Variants in CPB2 observed in about 807,000 individuals in gnomAD.
The protein encoded by CPB2 is carboxypeptidase B2, also known as carboxypeptidase B-like protein.
In CPB2, 54 loss-of-function variants were observed where a neutral mutation model predicts 57.0. The observed-to-expected ratio is 0.95, with a 90% CI of 0.76 to 1.19. The LOEUF (loss-of-function observed/expected upper bound fraction) is 1.19, where lower values mean the gene tolerates loss of function less well. Ranked by LOEUF, CPB2 falls within the 50% of genes most tolerant of loss-of-function variation. The probability of loss-of-function intolerance (pLI) is 0.00; values close to 1 mark genes in which losing one functional copy is unlikely to be tolerated. For synonymous variants in CPB2, 189 were observed against 178.1 expected, an observed-to-expected ratio of 1.06 and a Z score of -0.49; for missense variants, 426 against 512.0, an observed-to-expected ratio of 0.83 and a Z score of 1.62.
At chr13:46,078,968 G>A in intron 4 of CPB2, 67 bp from the exon 5 acceptor site, 1 of 971,996 alleles carries the variant, frequency 1.0e-6, no homozygotes, top group Non-Finnish European at 1.6e-6. Context: ...ACCAAAGCAA[G>A]CAGACAACTT....
intron 7 of CPB2, among the ~76,000 whole-genome samples, chr13:46,064,965 C>T (rs974943972): frequency 6.6e-6 from 1 of 152,190 alleles, no homozygotes; most frequent in African/African-American, 2.4e-5. Context: ...TTGAACCAAA[C>T]ATAATGGTAA....
In CPB2 at chr13:46,073,904, G is replaced by A. The variant is rs2044981914; in HGVS notation, c.560C>T (p.Ser187Phe). 1 of 1,587,438 alleles carries A rather than the reference G, an allele frequency of 6.3e-7. No homozygotes were observed. Among genetic ancestry groups the A allele is most frequent in the Non-Finnish European group, 8.6e-7 (1 of 1,159,426 alleles). The change falls in exon 6 of 11, where the codon TCT becomes TTT. Residue 187 changes from serine to phenylalanine, a missense_variant. Ser to Phe is a radical substitution (Grantham distance 155). Transcript: ENST00000181383. ...TATGAACCACAAGCAGAAAGCAGGA[G>A]AGATCCATTCTCTGGCATGGATTCC... ...DCGIHAREWI[S>F]PAFCLWFIGH...
chr13:46,072,639 G>C (rs2044960326), intron 6 of CPB2, among the ~76,000 whole-genome samples: 1 of 152,102 alleles, frequency 6.6e-6, no homozygotes, highest in Admixed American at 6.6e-5. Flanking sequence ...TTTGGGTAGA[G>C]GGTAGGATGT....
chr13:46,062,015 T>G (rs1219557305), intron 8 of CPB2, among the ~76,000 whole-genome samples: 4 of 132,144 alleles, frequency 3.0e-5, no homozygotes, highest in Non-Finnish European at 4.7e-5. Context: ...TTACAATTAC[T>G]TTTTATTTGG....
chr13:46,093,980 A>G (rs1001329192), intron 1 of CPB2, among the ~76,000 whole-genome samples: 7 of 152,138 alleles, frequency 4.6e-5, no homozygotes, highest in Non-Finnish European at 7.4e-5. Flanking sequence ...TGTATTATTT[A>G]CTTTTTAAAC....
intron 6 of CPB2, among the ~76,000 whole-genome samples, chr13:46,070,565 A>T (rs1237127531): frequency 3.9e-5 from 6 of 152,154 alleles, no homozygotes; most frequent in Admixed American, 1.3e-4. Flanking sequence ...CAACAACAAC[A>T]ACAATTCCTG....
intron 4 of CPB2, 83 bp from the exon 5 acceptor site, chr13:46,078,984 G>A: frequency 1.2e-6 from 1 of 855,760 alleles, no homozygotes; most frequent in Non-Finnish European, 1.9e-6. Flanking sequence ...AACTTCTTCA[G>A]AGAAAGGAAA....
chr13:46,093,646 G>T (rs2045325848), intron 1 of CPB2, among the ~76,000 whole-genome samples: 1 of 150,900 alleles, frequency 6.6e-6, no homozygotes, highest in Non-Finnish European at 1.5e-5. Context: ...TGGAAAAAAA[G>T]TTAGAAAGAT....
intron 5 of CPB2, among the ~76,000 whole-genome samples, chr13:46,075,649 C>T (rs537442308): frequency 2.6e-5 from 4 of 152,242 alleles, no homozygotes; most frequent in South Asian, 2.1e-4. Flanking sequence ...TTCTTGTAAA[C>T]GACAGATTAA....
At chr13:46,058,127 T>G in intron 9 of CPB2, 52 bp downstream of exon 9, 1 of 1,526,332 alleles carries the variant, frequency 6.6e-7, no homozygotes, top group Non-Finnish European at 9.0e-7. Context: ...TTCAACTAAG[T>G]ATTATTTTAT....
intron 8 of CPB2, among the ~76,000 whole-genome samples, chr13:46,063,997 C>T (rs2044815018): frequency 6.6e-6 from 1 of 151,974 alleles, no homozygotes; most frequent in African/African-American, 2.4e-5. Flanking sequence ...CACAGTGGCC[C>T]ACTCCTGTGA....
At chr13:46,102,430 C>A (rs533745247) in intron 1 of CPB2, among the ~76,000 whole-genome samples, 1 of 150,596 alleles carries the variant, frequency 6.6e-6, no homozygotes, top group East Asian at 2.0e-4. Context: ...GCCTTTAAAA[C>A]TTGTTGTTGT....
At chr13:46,103,778 T>C (rs2045463602) in intron 1 of CPB2, among the ~76,000 whole-genome samples, 3 of 152,136 alleles carry the variant, frequency 2.0e-5, no homozygotes, top group Admixed American at 2.0e-4. Context: ...CCCTTTCCCT[T>C]AACTGAAGCC....
In CPB2 at chr13:46,053,493, G is replaced by A. The variant is rs761339702; in HGVS notation, c.*121C>T. 1 of 1,452,874 alleles carries A rather than the reference G, an allele frequency of 6.9e-7. No homozygotes were observed. The highest frequency in any genetic ancestry group is 9.2e-7 in the Non-Finnish European group (1 of 1,087,938). 90.0% of individuals were successfully genotyped at this position (1,452,874 alleles called of 1,614,324 possible). On this transcript the variant is annotated 3_prime_UTR_variant, in exon 11 of 11. Coordinates refer to ENST00000181383, the MANE Select transcript of CPB2 (RefSeq NM_001872.5). ...TTATTAGGTTCTCTGACAGAACCAA[G>A]GAATAGGAAAATCTTTTATCAAAAC...
In CPB2 at chr13:46,082,558, T is replaced by G; in HGVS notation, c.276-9A>C. ...CATCTGCCAGCAAGACACTAGGTGATGAAACAGAGAGTGAGCTAGTTTCCA... is the reference window on the plus strand; with the variant it reads ...CATCTGCCAGCAAGACACTAGGTGAGGAAACAGAGAGTGAGCTAGTTTCCA... On this transcript the variant is annotated splice_polypyrimidine_tract_variant and intron_variant, in intron 3 of 10. Transcript: ENST00000181383. The G allele has an allele frequency of 6.3e-7, 1 of 1,579,944 alleles. No homozygotes were observed. Among genetic ancestry groups the G allele is most frequent in the South Asian group, 1.1e-5 (1 of 90,294 alleles).
chr13:46,087,817 G>A lies in CPB2; in HGVS notation c.78C>T (p.Gly26=), dbSNP rs771123321. The A allele has an allele frequency of 6.2e-7, 1 of 1,604,678 alleles. No homozygotes were observed. Among genetic ancestry groups the A allele is most frequent in the South Asian group, 1.1e-5 (1 of 90,226 alleles). ...CEQHVFAFQS[G]QVLAALPRTS... ...TTCTAGGAAGAGCAGCTAGAACTTG[G>A]CCACTGGGGAAAAAAATAAAAGAGG... Residue 26 remains glycine (G), a synonymous_variant, in exon 2 of 11, where the codon GGC becomes GGT. Coordinates refer to ENST00000181383, the MANE Select transcript of CPB2 (RefSeq NM_001872.5).
At chr13:46,099,830 G>C (rs1408517117) in intron 1 of CPB2, 1 of 152,158 alleles carries the variant, frequency 6.6e-6, no homozygotes, top group African/African-American at 2.4e-5. Flanking sequence ...TTCAAGACCA[G>C]CCTGACCAAC....
At chr13:46,095,304 A>G (rs1051416439) in intron 1 of CPB2, among the ~76,000 whole-genome samples, 3 of 139,808 alleles carry the variant, frequency 2.1e-5, no homozygotes, top group Non-Finnish European at 3.1e-5. Context: ...CCAACCTCCC[A>G]GCCAAGATAT....
chr13:46,103,035 CT>C (rs1355949390), intron 1 of CPB2, among the ~76,000 whole-genome samples: 1 of 152,070 alleles, frequency 6.6e-6, no homozygotes. Flanking sequence ...TATGTTCTCA[CT>C]CATTTTTTTA....
Sources: gnomAD v4.1 joint callset for allele counts (sites outside exome capture counted in the v4.1 genomes callset) on GRCh38, gnomAD v4.1.1 for gene constraint, MANE v1.5 for transcripts, NCBI Gene and HGNC (gene_info 2026-07-23, HGNC 2026-07-21) for gene names.